The following C13orf42 variants were observed in gnomAD, a reference collection of about 807,000 sequenced individuals.
The protein encoded by C13orf42 is chromosome 13 open reading frame 42.
intron 1 of C13orf42, among the ~76,000 whole-genome samples, chr13:51,107,084 C>A (rs541061502): frequency 6.6e-6 from 1 of 152,250 alleles, no homozygotes; most frequent in East Asian, 1.9e-4. Context: ...AGGCTCACCT[C>A]GCTTCTAGTG....
intron 1 of C13orf42, among the ~76,000 whole-genome samples, chr13:51,166,541 T>C (rs1953903235): frequency 1.4e-5 from 2 of 147,976 alleles, no homozygotes; most frequent in African/African-American, 2.5e-5. Flanking sequence ...CATGTATACA[T>C]ATGTAACTAA....
At chr13:51,089,598 T>C (rs926780351) in intron 1 of C13orf42, among the ~76,000 whole-genome samples, 1 of 152,112 alleles carries the variant, frequency 6.6e-6, no homozygotes, top group Admixed American at 6.5e-5. Flanking sequence ...GATTGTAAGT[T>C]TCCTGAGGCC....
intron 1 of C13orf42, chr13:51,162,145 A>T (rs1953869956): frequency 7.5e-6 from 2 of 267,320 alleles, no homozygotes; most frequent in South Asian, 1.0e-4. Context: ...TATGGGCATA[A>T]GCCATCTCAC....
Position 51,162,010 on chromosome 13 carries a change from G to T in C13orf42, n.136+10243C>A, listed in dbSNP as rs1209166518. On this transcript the variant is annotated intron_variant and non_coding_transcript_variant, in intron 1 of 4. Coordinates refer to the C13orf42 transcript ENST00000433280. ...AGATCTTGTCCATGCCAAACCTACT[G>T]AGAAGCCTGCATGCCAGCAGCAGGC... 3 of 403,524 alleles carry T rather than the reference G, an allele frequency of 7.4e-6. 1 individual carries two copies. Among genetic ancestry groups the T allele is most frequent in the South Asian group, 6.4e-5 (3 of 46,628 alleles). The allele number at this position is 403,524 out of a possible 1,614,324, so 25.0% of individuals were successfully genotyped here. A position where few individuals can be genotyped will look rare whatever the true frequency, so the allele number is the denominator to read the frequency against.
chr13:51,132,449 C>T (rs1483263259), intron 1 of C13orf42, among the ~76,000 whole-genome samples: 10 of 151,680 alleles, frequency 6.6e-5, no homozygotes. Context: ...AAAAAAAAAG[C>T]AGGATAAGCT....
Position 51,082,284 on chromosome 13 carries a change from C to G in C13orf42, c.*1867G>C, listed in dbSNP as rs1264096587. 2 of 152,168 alleles carry G rather than the reference C, an allele frequency of 1.3e-5. No homozygotes were observed. Among genetic ancestry groups the G allele is most frequent in the South Asian group, 2.1e-4 (1 of 4,818 alleles). 9.4% of individuals were successfully genotyped at this position (152,168 alleles called of 1,614,324 possible). On this transcript the variant is annotated 3_prime_UTR_variant, in exon 4 of 4. Coordinates refer to ENST00000563710, the MANE Select transcript of C13orf42 (RefSeq NM_001351589.3). ...ACAAGACAACCTTCTGTTTCCCAAT[C>G]ATGGAATTTTTCAGGCTGTGTATAG...
chr13:51,090,525 G>C (rs561417259), intron 1 of C13orf42, among the ~76,000 whole-genome samples: 26 of 152,288 alleles, frequency 1.7e-4, no homozygotes, highest in Non-Finnish European at 3.1e-4. Context: ...TCCACATGGA[G>C]GGCACATCTC....
At chr13:51,154,184 C>T (rs1318385022) in intron 1 of C13orf42, among the ~76,000 whole-genome samples, 3 of 152,250 alleles carry the variant, frequency 2.0e-5, no homozygotes, top group Non-Finnish European at 4.4e-5. Flanking sequence ...CTTTTTTAAG[C>T]TGAATAATAT....
At chr13:51,125,937 C>T (rs1953573395) in intron 1 of C13orf42, among the ~76,000 whole-genome samples, 1 of 152,232 alleles carries the variant, frequency 6.6e-6, no homozygotes, top group Non-Finnish European at 1.5e-5. Flanking sequence ...CACCAGGGGG[C>T]AGCACGTCTG....
At position 51,129,257 on chromosome 13, in the gene C13orf42, C is replaced by T. The variant is rs1375274220; in HGVS notation, n.137-16035G>A. On this transcript the variant is annotated intron_variant and non_coding_transcript_variant, in intron 1 of 4. Transcript: ENST00000433280. ...AACAGAATATCTGTGTGTCAGTGTACGTTTTATTCATCTGTCATTTGGGTC... is the reference window on the plus strand; with the variant it reads ...AACAGAATATCTGTGTGTCAGTGTATGTTTTATTCATCTGTCATTTGGGTC... Among the ~76,000 whole-genome samples, 4 of 152,150 alleles carry T rather than the reference C, an allele frequency of 2.6e-5. No homozygotes were observed. The East Asian group carries it at 5.8e-4, about 22-fold the overall frequency.
chr13:51,115,381 T>G (rs1045160040), upstream of C13orf42, among the ~76,000 whole-genome samples: 2 of 152,232 alleles, frequency 1.3e-5, no homozygotes, highest in African/African-American at 4.8e-5. Context: ...CCAGGCACCC[T>G]GTCCCTTTCA....
intron 1 of C13orf42, among the ~76,000 whole-genome samples, chr13:51,126,757 G>A (rs1201457496): frequency 1.3e-5 from 2 of 152,202 alleles, no homozygotes; most frequent in Non-Finnish European, 1.5e-5. Flanking sequence ...CCAAGACTGG[G>A]GGAGATGGTT....
At chr13:51,159,799 A>T (rs1001702852) in intron 1 of C13orf42, among the ~76,000 whole-genome samples, 1 of 144,044 alleles carries the variant, frequency 6.9e-6, no homozygotes, top group African/African-American at 2.5e-5. Flanking sequence ...ACTCATATGT[A>T]AGACAGTGTA....
chr13:51,122,859 C>G (rs778082843), intron 1 of C13orf42, among the ~76,000 whole-genome samples: 2 of 152,158 alleles, frequency 1.3e-5, no homozygotes, highest in Non-Finnish European at 2.9e-5. Context: ...TTTTAAAACA[C>G]CCACTGTTAT....
chr13:51,087,854 C>T, intron 2 of C13orf42, 74 bp downstream of exon 2: 2 of 398,122 alleles, frequency 5.0e-6, no homozygotes, highest in African/African-American at 4.1e-5. Flanking sequence ...CCCAGAGCCC[C>T]CAGCCCATCC....
intron 1 of C13orf42, among the ~76,000 whole-genome samples, chr13:51,088,858 G>T (rs1283607317): frequency 1.2e-4 from 19 of 152,164 alleles, no homozygotes; most frequent in Admixed American, 1.2e-3. Flanking sequence ...GAGGTTCCGG[G>T]CTCTTTCCTG....
intron 1 of C13orf42, among the ~76,000 whole-genome samples, chr13:51,166,668 T>C (rs1953904614): frequency 6.6e-6 from 1 of 152,032 alleles, no homozygotes; most frequent in Non-Finnish European, 1.5e-5. Context: ...TTTTTGACTT[T>C]GAAATAGCAT....
At chr13:51,123,156 C>A (rs1953549786) in intron 1 of C13orf42, among the ~76,000 whole-genome samples, 1 of 152,194 alleles carries the variant, frequency 6.6e-6, no homozygotes, top group Admixed American at 6.5e-5. Context: ...CCCAGGGACC[C>A]TAGCACTGCT....
chr13:51,162,124 G>A, intron 1 of C13orf42: 1 of 298,884 alleles, frequency 3.3e-6, no homozygotes, highest in Non-Finnish European at 6.6e-6. Flanking sequence ...AGACTATCAT[G>A]TCCCATTCTA....
Sources: gnomAD v4.1 joint callset for allele counts (sites outside exome capture counted in the v4.1 genomes callset) on GRCh38, gnomAD v4.1.1 for gene constraint, MANE v1.5 for transcripts, NCBI Gene and HGNC (gene_info 2026-07-23, HGNC 2026-07-21) for gene names.